Variants in PSD3 observed in about 807,000 individuals in gnomAD.
PSD3 encodes PH and SEC7 domain-containing protein 3.
A neutral mutation model predicts 105.5 loss-of-function variants in PSD3; 49 were observed. That is an observed-to-expected ratio of 0.46 (90% CI 0.37 to 0.59). The LOEUF (loss-of-function observed/expected upper bound fraction) is 0.59. Ranked by LOEUF, PSD3 falls within the 20% of genes least tolerant of loss-of-function variation. The probability of loss-of-function intolerance (pLI) is 0.00; values close to 1 mark genes in which losing one functional copy is unlikely to be tolerated. For synonymous variants in PSD3, 557 were observed against 457.8 expected (o/e 1.22, Z -2.77); for missense variants, 1,561 against 1,263.8 (o/e 1.24, Z -3.57).
At chr8:18,664,842 C>G (rs936223893) in intron 9 of PSD3, among the ~76,000 whole-genome samples, 1 of 152,178 alleles carries the variant, frequency 6.6e-6, no homozygotes, top group Non-Finnish European at 1.5e-5. Flanking sequence ...TCTGAAAATC[C>G]TGAGGCCCTT....
At chr8:18,784,534 G>A (rs181747718) in intron 8 of PSD3, among the ~76,000 whole-genome samples, 1 of 152,310 alleles carries the variant, frequency 6.6e-6, no homozygotes, top group Admixed American at 6.5e-5. Context: ...CAAGTTTCGG[G>A]TGTCAATTGG....
chr8:18,889,393 G>A (rs1001591000), intron 2 of PSD3, among the ~76,000 whole-genome samples: 1 of 152,096 alleles, frequency 6.6e-6, no homozygotes, highest in Non-Finnish European at 1.5e-5. Context: ...GTGCGAGCGT[G>A]CCTGTGATAT....
At chr8:18,971,688 G>A (rs948982696) in intron 1 of PSD3, among the ~76,000 whole-genome samples, 2 of 152,074 alleles carry the variant, frequency 1.3e-5, no homozygotes, top group African/African-American at 4.8e-5. Context: ...AATAGGATTC[G>A]GAGGGTCCCT....
chr8:18,618,976 C>T (rs559913349), intron 11 of PSD3, among the ~76,000 whole-genome samples: 133 of 152,172 alleles, frequency 8.7e-4, no homozygotes, highest in South Asian at 3.9e-3. Context: ...AGTTCTCAGC[C>T]GAGTAACAAG....
chr8:18,719,818 T>C (rs1045759104), intron 9 of PSD3, among the ~76,000 whole-genome samples: 9 of 152,226 alleles, frequency 5.9e-5, no homozygotes, highest in Non-Finnish European at 8.8e-5. Context: ...TGTAGGAATA[T>C]AGCATATATC....
At chr8:18,849,035 T>C (rs1401044908) in intron 4 of PSD3, among the ~76,000 whole-genome samples, 2 of 152,326 alleles carry the variant, frequency 1.3e-5, no homozygotes, top group Non-Finnish European at 1.5e-5. Context: ...AAAATCACCT[T>C]AGATCACCCT....
chr8:18,685,142 CT>C (rs1800596622), intron 9 of PSD3, among the ~76,000 whole-genome samples: 1 of 152,258 alleles, frequency 6.6e-6, no homozygotes, highest in East Asian at 1.9e-4. Context: ...CAGATTTAAA[CT>C]TTTCCTTTAC....
chr8:18,540,646 G>A (rs772002729), intron 15 of PSD3, among the ~76,000 whole-genome samples: 3 of 151,982 alleles, frequency 2.0e-5, no homozygotes, highest in Non-Finnish European at 4.4e-5. Context: ...ATCACCTTGC[G>A]CCTGGGTTCC....
At chr8:19,009,737 A>C (rs1826867440) in intron 1 of PSD3, among the ~76,000 whole-genome samples, 1 of 152,136 alleles carries the variant, frequency 6.6e-6, no homozygotes, top group Non-Finnish European at 1.5e-5. Flanking sequence ...TAAAAATACA[A>C]AAATTAAGCT....
At chr8:18,843,744 A>G (rs764498685) in intron 4 of PSD3, among the ~76,000 whole-genome samples, 3 of 152,102 alleles carry the variant, frequency 2.0e-5, no homozygotes, top group Admixed American at 6.5e-5. Context: ...AAATAGAGGT[A>G]TATTCCAGTA....
intron 13 of PSD3, among the ~76,000 whole-genome samples, chr8:18,573,644 C>T (rs2717754): frequency 0.63 from 95,675 of 152,068 alleles, 30,397 homozygotes; most frequent in African/African-American, 0.69. Flanking sequence ...CACTACAATA[C>T]AGATAAACTT....
chr8:18,552,803 G>C (rs895366560), intron 15 of PSD3, among the ~76,000 whole-genome samples: 10 of 152,188 alleles, frequency 6.6e-5, no homozygotes, highest in African/African-American at 2.4e-4. Context: ...CCAAACCACA[G>C]CTTGGAGGTT....
At chr8:19,024,668 G>C (rs1413253428) in intron 1 of PSD3, among the ~76,000 whole-genome samples, 1 of 152,078 alleles carries the variant, frequency 6.6e-6, no homozygotes, top group Non-Finnish European at 1.5e-5. Context: ...TGATTAGAGG[G>C]GTAGAACTTT....
chr8:18,857,170 G>A (rs944185434), intron 4 of PSD3, among the ~76,000 whole-genome samples: 9 of 152,198 alleles, frequency 5.9e-5, no homozygotes, highest in African/African-American at 1.2e-4. Context: ...CTCCAAAAGC[G>A]GAGTTACCTT....
In PSD3 at chr8:18,691,030, G is replaced by C. The variant is rs59482768; in HGVS notation, c.2173-35345C>G. ...TAAAAAAAAAAAAATCCTATGATTTGTACAACCTATGAGGACGCATCACCT... is the reference window on the plus strand; with the variant it reads ...TAAAAAAAAAAAAATCCTATGATTTCTACAACCTATGAGGACGCATCACCT... On this transcript the variant is annotated intron_variant, in intron 9 of 15. Coordinates refer to ENST00000327040, the MANE Select transcript of PSD3 (RefSeq NM_015310.4). Among the ~76,000 whole-genome samples the C allele has an allele frequency of 6.7e-3, 1,014 of 152,068 alleles. 10 individuals carry two copies. The highest frequency in any genetic ancestry group is 0.023 in the African/African-American group (960 of 41,486).
chr8:18,642,545 T>A (rs1037847980), intron 10 of PSD3, among the ~76,000 whole-genome samples: 1 of 152,112 alleles, frequency 6.6e-6, no homozygotes, highest in Non-Finnish European at 1.5e-5. Flanking sequence ...CTAAGAAAAA[T>A]GCTTTCTTTA....
At chr8:18,671,882 T>C (rs766453709) in intron 9 of PSD3, among the ~76,000 whole-genome samples, 63 of 152,118 alleles carry the variant, frequency 4.1e-4, no homozygotes, top group Admixed American at 7.2e-4. Flanking sequence ...CCGCCCGCCT[T>C]GGCCTCCCAA....
At chr8:18,911,698 C>A (rs1820232715) in intron 2 of PSD3, among the ~76,000 whole-genome samples, 1 of 152,030 alleles carries the variant, frequency 6.6e-6, no homozygotes, top group Non-Finnish European at 1.5e-5. Context: ...TTCCAAACAG[C>A]ATTTTCATTT....
rs563815724 is a variant in PSD3 at position 18,850,126 on chromosome 8, T to C, written c.1634+17548A>G. Among the ~76,000 whole-genome samples the C allele has an allele frequency of 4.1e-4, 63 of 152,318 alleles. No individual in the cohort carries two copies. The South Asian group carries it at 0.013, about 32-fold the overall frequency. On this transcript the variant is annotated intron_variant, in intron 4 of 15. Coordinates refer to ENST00000327040, the MANE Select transcript of PSD3 (RefSeq NM_015310.4). ...ACTTCTCTGTTCAACAACATACAGA[T>C]AATAAAGAGCTTGAGAAAACCAGGA...
Sources: allele counts gnomAD v4.1 joint callset (sites outside exome capture counted in the v4.1 genomes callset), GRCh38; gene constraint gnomAD v4.1.1; transcripts MANE v1.5; gene names NCBI Gene and HGNC (gene_info 2026-07-23, HGNC 2026-07-21).